The following C17orf99 variants were observed in gnomAD, a reference collection of about 807,000 sequenced individuals.
The protein encoded by C17orf99 is chromosome 17 open reading frame 99, also known as protein IL-40.
In C17orf99, 18 loss-of-function variants were observed where a neutral mutation model predicts 22.6. The ratio of observed to expected loss-of-function variants is 0.80; its 90% CI spans 0.55 to 1.18. C17orf99 has a LOEUF of 1.18. Ranked by LOEUF, C17orf99 falls within the 50% of genes most tolerant of loss-of-function variation. The pLI is 0.00. For synonymous variants in C17orf99, 147 were observed against 136.6 expected, an observed-to-expected ratio of 1.08 and a Z score of -0.53; for missense variants, 328 against 342.7, an observed-to-expected ratio of 0.96 and a Z score of 0.34.
chr17:78,155,350 T>G (rs1218819500), intron 2 of C17orf99, among the ~76,000 whole-genome samples: 1 of 152,038 alleles, frequency 6.6e-6, no homozygotes, highest in Non-Finnish European at 1.5e-5. Flanking sequence ...TGCAGGGTGG[T>G]TTCCAGAGCA....
At chr17:78,157,806 A>AG in intron 2 of C17orf99, 1 of 695,536 alleles carries the variant, frequency 1.4e-6, no homozygotes, top group East Asian at 3.8e-5. Flanking sequence ...CGGAAAAAAA[A>AG]AAAAAAAAAA....
intron 2 of C17orf99, among the ~76,000 whole-genome samples, chr17:78,153,990 A>G (rs2075506400): frequency 7.1e-6 from 1 of 141,220 alleles, no homozygotes; most frequent in Non-Finnish European, 1.5e-5. Flanking sequence ...CAGCAGCACA[A>G]TCTCCGCTCA....
chr17:78,165,397 T>C (rs1395624436), intron 4 of C17orf99: 1 of 985,428 alleles, frequency 1.0e-6, no homozygotes, highest in Non-Finnish European at 1.2e-6. Context: ...CCATGTCACC[T>C]CGCCGAGCCT....
At chr17:78,152,209 C>T (rs897068807) in intron 2 of C17orf99, among the ~76,000 whole-genome samples, 6 of 152,236 alleles carry the variant, frequency 3.9e-5, no homozygotes, top group East Asian at 1.9e-4. Flanking sequence ...GACAGGGTCT[C>T]GCTCTGTCAC....
Position 78,164,279 on chromosome 17 carries a change from G to C in C17orf99, c.555G>C (p.Leu185=), listed in dbSNP as rs1037504566. 6.4e-7 allele frequency: 1 copy of C among 1,551,474 alleles called. No individual in the cohort carries two copies. Among genetic ancestry groups the C allele is most frequent in the Non-Finnish European group, 8.7e-7 (1 of 1,147,022 alleles). The change falls in exon 4 of 5, where the codon CTG becomes CTC. Residue 185 remains leucine (L), a synonymous_variant. Transcript: ENST00000340363. ...GGCAGCCTGCCAACTTCTCCTTCCT[G>C]CCGAGCCAGACATCGGACTGGTTCT... ...CHRQPANFSF[L]PSQTSDWFWC...
At position 78,166,189 on chromosome 17, in the gene C17orf99, A is replaced by C. The variant is rs934326594; in HGVS notation, c.*143A>C. ...AAAAAAAAAAAAAAGGGTAACTATG[A>C]GAGATGGTGGATATGTTAACTTGCT... On this transcript the variant is annotated 3_prime_UTR_variant, in exon 5 of 5. Coordinates refer to ENST00000340363, the MANE Select transcript of C17orf99 (RefSeq NM_001163075.2). 9 of 397,196 alleles carry C rather than the reference A, an allele frequency of 2.3e-5. No homozygotes were observed. Among genetic ancestry groups the C allele is most frequent in the Middle Eastern group, 6.3e-4 (1 of 1,588 alleles). The allele number at this position is 397,196 out of a possible 1,614,324, so 24.6% of individuals were successfully genotyped here.
At chr17:78,155,024 T>C (rs113113368) in intron 2 of C17orf99, among the ~76,000 whole-genome samples, 9 of 152,104 alleles carry the variant, frequency 5.9e-5, no homozygotes, top group East Asian at 3.9e-4. Flanking sequence ...CTCCTGACAT[T>C]TGAGGCCAGA....
intron 2 of C17orf99, among the ~76,000 whole-genome samples, chr17:78,154,409 GTGGTGGCA>G (rs1215194489): frequency 6.6e-6 from 1 of 151,898 alleles, no homozygotes; most frequent in Non-Finnish European, 1.5e-5. Context: ...TTAGACAGGC[GTGGTGGCA>G]TGTGTCTGTA....
At chr17:78,159,942 C>T (rs141246180) in intron 2 of C17orf99, 8 of 413,760 alleles carry the variant, frequency 1.9e-5, no homozygotes, top group African/African-American at 1.7e-4. Context: ...TATGGATCAA[C>T]CACATTCTAT....
chr17:78,148,941 C>T (rs1358451927), intron 2 of C17orf99, among the ~76,000 whole-genome samples: 6 of 151,962 alleles, frequency 3.9e-5, no homozygotes, highest in Admixed American at 6.6e-5. Context: ...CTGGGCAATG[C>T]GGGAGAGGCA....
At chr17:78,163,121 G>A (rs778982284) in intron 3 of C17orf99, among the ~76,000 whole-genome samples, 1 of 152,200 alleles carries the variant, frequency 6.6e-6, no homozygotes, top group African/African-American at 2.4e-5. Context: ...AGGTATGGTG[G>A]TGCATGCCTG....
intron 2 of C17orf99, 128 bp downstream of exon 2, chr17:78,147,039 TG>T (rs1479689619): frequency 2.5e-6 from 2 of 784,578 alleles, no homozygotes; most frequent in African/African-American, 1.7e-5. Flanking sequence ...GGAGGATGGC[TG>T]GACAGTTCTG....
At chr17:78,163,845 G>A (rs765426197) in intron 3 of C17orf99, among the ~76,000 whole-genome samples, 10 of 152,200 alleles carry the variant, frequency 6.6e-5, no homozygotes, top group South Asian at 4.1e-4. Flanking sequence ...CAGCCTGGGC[G>A]ACAGAGCAAG....
At chr17:78,149,554 C>T (rs948962550) in intron 2 of C17orf99, among the ~76,000 whole-genome samples, 7 of 152,036 alleles carry the variant, frequency 4.6e-5, no homozygotes, top group South Asian at 2.1e-4. Context: ...TGCTTTTAGA[C>T]ACAGGGTCTC....
Position 78,146,496 on chromosome 17 carries a change from T to A in C17orf99, c.37+52T>A, listed in dbSNP as rs2075438355. 6.6e-7 allele frequency: 1 copy of A among 1,520,788 alleles called. No individual in the cohort carries two copies. The highest frequency in any genetic ancestry group is 1.2e-5 in the South Asian group (1 of 83,512). The allele number at this position is 1,520,788 out of a possible 1,614,324, so 94.2% of individuals were successfully genotyped here. ...GGGCTGCTGCTGGGGCCTTGAGGTC[T>A]TGGGCTCAGGTGGGGGTACTGGGAG... On this transcript the variant is annotated intron_variant, in intron 1 of 4. Coordinates refer to ENST00000340363, the MANE Select transcript of C17orf99 (RefSeq NM_001163075.2). The surrounding 1 kb of genome is among the most constrained non-coding windows in gnomAD (Gnocchi z 5.2).
intron 2 of C17orf99, among the ~76,000 whole-genome samples, chr17:78,149,094 G>A (rs1425358517): frequency 6.6e-6 from 1 of 152,124 alleles, no homozygotes; most frequent in African/African-American, 2.4e-5. Context: ...CACTTTGGGA[G>A]GCCGAGGCAG....
At position 78,164,312 on chromosome 17, in the gene C17orf99, G is replaced by A; in HGVS notation, c.588G>A (p.Gln196=). 6.4e-7 allele frequency: 1 copy of A among 1,551,628 alleles called. No individual in the cohort carries two copies. The change falls in exon 4 of 5, where the codon CAG becomes CAA. Residue 196 remains glutamine (Q), a synonymous_variant. Transcript: ENST00000340363. The part of the protein sequence containing the change: ...PSQTSDWFWC[Q]AANNANVQHS... ...AGACATCGGACTGGTTCTGGTGCCA[G>A]GCTGCAAACAACGCCAATGTCCAGC...
intron 2 of C17orf99, among the ~76,000 whole-genome samples, chr17:78,155,492 G>C (rs978168853): frequency 2.0e-5 from 3 of 151,660 alleles, no homozygotes; most frequent in African/African-American, 7.3e-5. Flanking sequence ...TTTTTCTTTC[G>C]ATTAAATAGA....
At chr17:78,152,739 C>CT (rs2075495017) in intron 2 of C17orf99, among the ~76,000 whole-genome samples, 1 of 151,224 alleles carries the variant, frequency 6.6e-6, no homozygotes, top group Admixed American at 6.6e-5. Flanking sequence ...TCCAAAAGCT[C>CT]TGGGATTATA....
Sources: gnomAD v4.1 joint callset for allele counts (sites outside exome capture counted in the v4.1 genomes callset) on GRCh38, gnomAD v4.1.1 for gene constraint, Gnocchi (gnomAD v3.1) non-coding constraint, MANE v1.5 for transcripts, NCBI Gene and HGNC (gene_info 2026-07-23, HGNC 2026-07-21) for gene names.